The following BCKDHB variants were observed in gnomAD, a reference collection of about 807,000 sequenced individuals.
BCKDHB encodes the protein branched chain keto acid dehydrogenase E1 subunit beta.
BCKDHB carries 41 observed loss-of-function variants against 48.5 expected under a neutral mutation model. The observed-to-expected ratio is 0.85, with a 90% confidence interval of 0.66 to 1.10. The LOEUF (loss-of-function observed/expected upper bound fraction) is 1.10. Among genes scored for constraint, BCKDHB ranks in the 50% least tolerant of loss-of-function variants. The probability of loss-of-function intolerance (pLI) is 0.00; values close to 1 mark genes in which losing one functional copy is unlikely to be tolerated. For missense variants in BCKDHB, 496 were observed against 494.2 expected (o/e 1.00, Z -0.03); for synonymous variants, 201 against 174.8 (o/e 1.15, Z -1.18).
chr6:80,166,254 A>C (rs1772561913), intron 3 of BCKDHB, among the ~76,000 whole-genome samples: 1 of 152,206 alleles, frequency 6.6e-6, no homozygotes, highest in South Asian at 2.1e-4. Context: ...TCAGAACCTC[A>C]ATAAGATATT....
At chr6:80,283,585 C>A (rs939613597) in intron 9 of BCKDHB, among the ~76,000 whole-genome samples, 4 of 152,034 alleles carry the variant, frequency 2.6e-5, no homozygotes, top group African/African-American at 9.7e-5. Flanking sequence ...AAAATAGATT[C>A]TCTGAAGGAA....
chr6:80,222,960 C>T (rs1168488921), intron 8 of BCKDHB, among the ~76,000 whole-genome samples: 2 of 152,020 alleles, frequency 1.3e-5, no homozygotes, highest in Non-Finnish European at 2.9e-5. Context: ...GGAAGCAACA[C>T]ATTAGAAGAT....
chr6:80,386,982 C>G, the BCKDHB span, among the ~76,000 whole-genome samples: 1 of 151,284 alleles, frequency 6.6e-6, no homozygotes, highest in Non-Finnish European at 1.5e-5. Context: ...TTTCTCCCAT[C>G]CCCCCCCAAG....
chr6:80,420,933 A>G, the BCKDHB span, among the ~76,000 whole-genome samples: 1 of 152,206 alleles, frequency 6.6e-6, no homozygotes, highest in African/African-American at 2.4e-5. Flanking sequence ...GATGAGTGAC[A>G]TGTAGAGTGA....
intron 9 of BCKDHB, among the ~76,000 whole-genome samples, chr6:80,292,795 T>C (rs1766999629): frequency 6.6e-6 from 1 of 152,154 alleles, no homozygotes; most frequent in African/African-American, 2.4e-5. Context: ...CTAGATACAG[T>C]GGAGCTACAG....
intron 8 of BCKDHB, among the ~76,000 whole-genome samples, chr6:80,246,947 A>G (rs1776644515): frequency 1.3e-5 from 2 of 151,814 alleles, no homozygotes; most frequent in South Asian, 4.2e-4. Context: ...ATCTCTAGTT[A>G]GACACTTTGG....
At chr6:80,188,390 A>G (rs1773743429) in intron 6 of BCKDHB, among the ~76,000 whole-genome samples, 1 of 152,132 alleles carries the variant, frequency 6.6e-6, no homozygotes, top group African/African-American at 2.4e-5. Flanking sequence ...GGATCAGAAT[A>G]ATACCTATCA....
chr6:80,257,340 TAC>T (rs36159873), intron 8 of BCKDHB, among the ~76,000 whole-genome samples: 3,078 of 149,970 alleles, frequency 0.021, 101 homozygotes, highest in African/African-American at 0.069. Context: ...TATGTATCTA[TAC>T]ACACACACAC....
chr6:80,412,693 G>T, the BCKDHB span, among the ~76,000 whole-genome samples: 2 of 151,892 alleles, frequency 1.3e-5, no homozygotes, highest in African/African-American at 4.8e-5. Flanking sequence ...CTTTAATATT[G>T]TTTTGTATGG....
the BCKDHB span, among the ~76,000 whole-genome samples, chr6:80,408,440 T>C: frequency 6.6e-6 from 1 of 151,922 alleles, no homozygotes; most frequent in East Asian, 1.9e-4. Flanking sequence ...TACCAGCTCC[T>C]TTTTTTTAAC....
chr6:80,230,027 T>G (rs1051693118), intron 8 of BCKDHB, among the ~76,000 whole-genome samples: 4 of 7,594 alleles, frequency 5.3e-4, no homozygotes, highest in Admixed American at 2.5e-3. Context: ...TTTTAGGTTG[T>G]TTTTTTTTTT....
chr6:80,305,504 A>G (rs918262043), intron 9 of BCKDHB, among the ~76,000 whole-genome samples: 3 of 152,156 alleles, frequency 2.0e-5, no homozygotes, highest in Non-Finnish European at 4.4e-5. Context: ...TTAAGTTGTT[A>G]TTTAATGGCT....
Position 80,168,703 on chromosome 6 carries a change from G to A in BCKDHB, c.478-172G>A, listed in dbSNP as rs557543967. 5.0e-5 allele frequency among the ~76,000 whole-genome samples: 7 copies of A among 138,964 alleles called. No individual in the cohort carries two copies. The South Asian group carries it at 1.8e-3, about 35-fold the overall frequency. The allele number at this position is 138,964 out of a possible 152,430, so 91.2% of individuals were successfully genotyped here. ...ACTTATTGTGCTATGGGAAAGAAAG[G>A]CAGGCAGGCAGGAAGGAAGGAAGGA... On this transcript the variant is annotated intron_variant, in intron 4 of 9. Transcript: ENST00000320393.
chr6:80,154,364 G>A (rs1286010919), intron 3 of BCKDHB, among the ~76,000 whole-genome samples: 2 of 152,150 alleles, frequency 1.3e-5, no homozygotes, highest in African/African-American at 4.8e-5. Flanking sequence ...GTGGTGGCAA[G>A]AGGTGATTTG....
At chr6:80,314,635 G>C (rs1768341581) in intron 9 of BCKDHB, among the ~76,000 whole-genome samples, 1 of 152,216 alleles carries the variant, frequency 6.6e-6, no homozygotes, top group Non-Finnish European at 1.5e-5. Context: ...GTGCCATGCT[G>C]TGGAACCACT....
chr6:80,399,579 G>C, the BCKDHB span, among the ~76,000 whole-genome samples: 2 of 152,062 alleles, frequency 1.3e-5, no homozygotes. Flanking sequence ...ACAAAACATT[G>C]CTCAAAGAAA....
At chr6:80,397,334 C>A in the BCKDHB span, among the ~76,000 whole-genome samples, 1 of 152,050 alleles carries the variant, frequency 6.6e-6, no homozygotes, top group Non-Finnish European at 1.5e-5. Context: ...TTGTTGATAT[C>A]TTTTGTCTAC....
intron 6 of BCKDHB, among the ~76,000 whole-genome samples, chr6:80,198,726 A>C (rs1774244469): frequency 6.6e-6 from 1 of 152,238 alleles, no homozygotes; most frequent in South Asian, 2.1e-4. Context: ...ATTTGTGAAA[A>C]GAAAAAATAT....
intron 1 of BCKDHB, among the ~76,000 whole-genome samples, chr6:80,121,598 C>T (rs1160290187): frequency 6.6e-6 from 1 of 151,980 alleles, no homozygotes. Context: ...AATTGGATTC[C>T]TAGGTATTTT....
Sources: gnomAD v4.1 joint callset for allele counts (sites outside exome capture counted in the v4.1 genomes callset) on GRCh38, gnomAD v4.1.1 for gene constraint, MANE v1.5 for transcripts, NCBI Gene and HGNC (gene_info 2026-07-23, HGNC 2026-07-21) for gene names.